Variants in ABLIM2 observed in about 807,000 individuals in gnomAD.
The protein encoded by ABLIM2 is actin binding LIM protein family member 2, also known as actin-binding LIM protein 2.
In ABLIM2, 53 loss-of-function variants were observed where a neutral mutation model predicts 97.7. The ratio of observed to expected loss-of-function variants is 0.54; its 90% CI spans 0.44 to 0.68. The LOEUF (loss-of-function observed/expected upper bound fraction) is 0.68, where lower values mean the gene tolerates loss of function less well. Ranked by LOEUF, ABLIM2 falls within the 30% of genes least tolerant of loss-of-function variation. The pLI, the probability that ABLIM2 is intolerant of heterozygous loss-of-function variation, is 0.00. For synonymous variants in ABLIM2, 361 were observed against 345.8 expected, an observed-to-expected ratio of 1.04 and a Z score of -0.49; for missense variants, 835 against 867.2, an observed-to-expected ratio of 0.96 and a Z score of 0.47.
chr4:8,042,143 G>A (rs1789095108), intron 9 of ABLIM2, among the ~76,000 whole-genome samples: 2 of 152,170 alleles, frequency 1.3e-5, no homozygotes, highest in African/African-American at 4.8e-5. Context: ...GGCCTCGGAA[G>A]CAGGGTCTCT....
intron 5 of ABLIM2, among the ~76,000 whole-genome samples, chr4:8,080,299 C>T (rs148326362): frequency 1.3e-5 from 2 of 152,288 alleles, no homozygotes; most frequent in Non-Finnish European, 2.9e-5. Context: ...TCACCTCCTG[C>T]AGGACATCCA....
intron 8 of ABLIM2, among the ~76,000 whole-genome samples, chr4:8,050,104 T>G (rs1490660607): frequency 3.3e-5 from 5 of 152,174 alleles, no homozygotes; most frequent in African/African-American, 1.2e-4. Context: ...ACCAAACCAA[T>G]GTCAATCTTA....
chr4:7,969,976 C>T (rs1726459100), intron 20 of ABLIM2, among the ~76,000 whole-genome samples: 1 of 152,202 alleles, frequency 6.6e-6, no homozygotes, highest in Non-Finnish European at 1.5e-5. Flanking sequence ...AGACATTTGA[C>T]ACTCAATGTG....
At chr4:8,098,674 C>A (rs114696815) in intron 2 of ABLIM2, among the ~76,000 whole-genome samples, 1 of 152,192 alleles carries the variant, frequency 6.6e-6, no homozygotes, top group Non-Finnish European at 1.5e-5. Flanking sequence ...GCTCTACCCG[C>A]GTAGTGTGCT....
At position 8,150,682 on chromosome 4, in the gene ABLIM2, G is replaced by A. The variant is rs893576526; in HGVS notation, c.10+7998C>T. On this transcript the variant is annotated intron_variant, in intron 1 of 20. Transcript: ENST00000447017. This position sits in a 1 kb window ranked among gnomAD's most constrained non-coding sequence, Gnocchi z 6.3. ...TAGAATGCAGCTAAAATGAAGCTTC[G>A]AGCTGAGACCGATGACTCAAGACAC... Among the ~76,000 whole-genome samples, 5 of 152,186 alleles carry A rather than the reference G, an allele frequency of 3.3e-5. No homozygotes were observed. The highest frequency in any genetic ancestry group is 3.2e-3 in the Middle Eastern group (1 of 316).
rs1200830455 is a variant in ABLIM2, at chr4:8,127,015, A to C, written c.11-20378T>G. ...CAGGAGGTTGAGGCTGCAGTAAGCCATGTTCATGCCACTGCACTCCAGCCT... is the reference window on the plus strand; with the variant it reads ...CAGGAGGTTGAGGCTGCAGTAAGCCCTGTTCATGCCACTGCACTCCAGCCT... On this transcript the variant is annotated intron_variant, in intron 1 of 20. Transcript: ENST00000447017. This position sits in a 1 kb window ranked among gnomAD's most constrained non-coding sequence, Gnocchi z 7.3. 1.3e-5 allele frequency among the ~76,000 whole-genome samples: 2 copies of C among 151,158 alleles called. No homozygotes were observed.
intron 20 of ABLIM2, among the ~76,000 whole-genome samples, chr4:7,981,988 C>T (rs746380057): frequency 6.6e-6 from 1 of 152,182 alleles, no homozygotes; most frequent in African/African-American, 2.4e-5. Context: ...TCCAGACTTC[C>T]CCTTCTGAGG....
At chr4:8,114,950 C>T (rs1578156782) in intron 1 of ABLIM2, among the ~76,000 whole-genome samples, 1 of 152,158 alleles carries the variant, frequency 6.6e-6, no homozygotes, top group Non-Finnish European at 1.5e-5. Context: ...ACCTGCGGGG[C>T]GCCCTGGAAC....
At chr4:8,006,967 A>G in intron 16 of ABLIM2, 1 of 936,698 alleles carries the variant, frequency 1.1e-6, no homozygotes, top group African/African-American at 1.8e-5. Context: ...AGGCGGGGGC[A>G]GAGGCCTGAG....
intron 5 of ABLIM2, among the ~76,000 whole-genome samples, chr4:8,079,624 C>G (rs948257322): frequency 1.3e-5 from 2 of 152,156 alleles, no homozygotes; most frequent in African/African-American, 4.8e-5. Flanking sequence ...GTCCCATGTA[C>G]CCTTCGCCTA....
At position 8,085,573 on chromosome 4, in the gene ABLIM2, A is replaced by G. The variant is rs559633946; in HGVS notation, c.454+2596T>C. 3.0e-5 allele frequency among the ~76,000 whole-genome samples: 4 copies of G among 131,220 alleles called. No individual in the cohort carries two copies. The East Asian group carries it at 6.8e-4, about 22-fold the overall frequency. 86.1% of individuals were successfully genotyped at this position (131,220 alleles called of 152,430 possible). A position where few individuals can be genotyped will look rare whatever the true frequency, so the allele number is the denominator to read the frequency against. On this transcript the variant is annotated intron_variant, in intron 4 of 20. Transcript: ENST00000447017. This position sits in a 1 kb window ranked among gnomAD's most constrained non-coding sequence, Gnocchi z 6.1. ...CACTCACATGGCTCTGGGGGTGCCC[A>G]CGCTGCAGCCCCGTCCACTCACGCG...
Position 8,019,620 on chromosome 4 carries a change from T to C in ABLIM2, c.1421A>G (p.His474Arg), listed in dbSNP as rs373349844. The C allele has an allele frequency of 6.2e-7, 1 of 1,611,350 alleles. No homozygotes were observed. Among genetic ancestry groups the C allele is most frequent in the Non-Finnish European group, 8.5e-7 (1 of 1,179,034 alleles). The change falls in exon 14 of 21, where the codon CAT (histidine) becomes CGT (arginine). Residue 474 changes from histidine (H) to arginine (R), a missense_variant and splice_region_variant. Physicochemically the swap from His to Arg is conservative, Grantham distance 29. Transcript: ENST00000447017. This position sits in a 1 kb window ranked among gnomAD's most constrained non-coding sequence, Gnocchi z 4.3. ...CAGCGGGAGGAATCCAACCGTACCA[T>C]GCTGTCTGTAGATAGGGGGTTTCCT... ...IYRKPPIYRQ[H>R]AARRSDGEDG...
intron 17 of ABLIM2, among the ~76,000 whole-genome samples, chr4:7,990,013 T>C (rs1028854189): frequency 2.0e-5 from 3 of 152,132 alleles, no homozygotes; most frequent in Non-Finnish European, 2.9e-5. Context: ...TTAGGACATA[T>C]TGTGCTTTAG....
chr4:7,976,555 C>G lies in ABLIM2; in HGVS notation c.1824+6709G>C, dbSNP rs140771321. Among the ~76,000 whole-genome samples the G allele has an allele frequency of 9.2e-5, 14 of 152,298 alleles. No homozygotes were observed. The South Asian group carries it at 2.9e-3, about 32-fold the overall frequency. On this transcript the variant is annotated intron_variant, in intron 20 of 20. Transcript: ENST00000447017. ...GCTCAGGTCCAGACACCTCAGCTTT[C>G]GTATACTTCCTCCAGCAGCTAAGGC...
intron 9 of ABLIM2, among the ~76,000 whole-genome samples, chr4:8,038,111 G>C (rs535325767): frequency 6.6e-6 from 1 of 152,214 alleles, no homozygotes; most frequent in Non-Finnish European, 1.5e-5. Context: ...ATGATGAGCT[G>C]TCTACCCCGA....
intron 14 of ABLIM2, among the ~76,000 whole-genome samples, chr4:8,018,902 G>C (rs1247189766): frequency 1.3e-5 from 2 of 152,210 alleles, no homozygotes; most frequent in African/African-American, 2.4e-5. Flanking sequence ...AAAGGGCGGG[G>C]TGGAGGGGAT....
At position 8,072,361 on chromosome 4, in the gene ABLIM2, G is replaced by A. The variant is rs986539098; in HGVS notation, c.675+5267C>T. On this transcript the variant is annotated intron_variant, in intron 6 of 20. Coordinates refer to ENST00000447017, the MANE Select transcript of ABLIM2 (RefSeq NM_001130083.2). The surrounding 1 kb of genome is among the most constrained non-coding windows in gnomAD (Gnocchi z 5.8). ...GAAACCCACTTTGCTCGCCCAGTGCGGAGCGTGCCTGAGGCAGAGCAGCCC... is the reference window on the plus strand; with the variant it reads ...GAAACCCACTTTGCTCGCCCAGTGCAGAGCGTGCCTGAGGCAGAGCAGCCC... Among the ~76,000 whole-genome samples the A allele has an allele frequency of 2.0e-5, 3 of 152,222 alleles. No individual in the cohort carries two copies. Among genetic ancestry groups the A allele is most frequent in the Admixed American group, 2.0e-4 (3 of 15,286 alleles).
chr4:7,993,136 C>T (rs1263245782), intron 16 of ABLIM2, among the ~76,000 whole-genome samples: 1 of 152,216 alleles, frequency 6.6e-6, no homozygotes, highest in Non-Finnish European at 1.5e-5. Context: ...ATGTCCTGAG[C>T]CTGCCCGTGA....
intron 20 of ABLIM2, among the ~76,000 whole-genome samples, chr4:7,974,624 T>G (rs1577632918): frequency 1.4e-5 from 2 of 144,880 alleles, no homozygotes; most frequent in Non-Finnish European, 3.0e-5. Flanking sequence ...CATCCATCCA[T>G]CCACCCATCC....
Sources: gnomAD v4.1 joint callset for allele counts (sites outside exome capture counted in the v4.1 genomes callset) on GRCh38, gnomAD v4.1.1 for gene constraint, Gnocchi (gnomAD v3.1) non-coding constraint, MANE v1.5 for transcripts, NCBI Gene and HGNC (gene_info 2026-07-23, HGNC 2026-07-21) for gene names.